Variants in ASTN2 observed in about 807,000 individuals in gnomAD.
The protein encoded by ASTN2 is astrotactin 2, also known as astrotactin-2.
A neutral mutation model predicts 139.8 loss-of-function variants in ASTN2; 54 were observed. That is an observed-to-expected ratio of 0.39 (90% confidence interval 0.31 to 0.48). The LOEUF (loss-of-function observed/expected upper bound fraction) is 0.48. Among genes scored for constraint, ASTN2 ranks in the 20% least tolerant of loss-of-function variants. The probability of loss-of-function intolerance (pLI) is 0.95; values close to 1 mark genes in which losing one functional copy is unlikely to be tolerated. For missense variants in ASTN2, 1,565 were observed against 1,725.1 expected, an observed-to-expected ratio of 0.91 and a Z score of 1.64; for synonymous variants, 756 against 719.5, an observed-to-expected ratio of 1.05 and a Z score of -0.81.
chr9:117,237,119 C>T (rs1367362251), intron 2 of ASTN2, among the ~76,000 whole-genome samples: 1 of 152,142 alleles, frequency 6.6e-6, no homozygotes, highest in Non-Finnish European at 1.5e-5. Flanking sequence ...TATTATTTTA[C>T]TTAATCCTTA....
At chr9:117,303,751 C>G (rs1448647882) in intron 1 of ASTN2, among the ~76,000 whole-genome samples, 1 of 152,220 alleles carries the variant, frequency 6.6e-6, no homozygotes, top group East Asian at 1.9e-4. Context: ...CTCTTTACAT[C>G]TAAACCAGTG....
chr9:116,919,599 C>T (rs1011499960), intron 10 of ASTN2, among the ~76,000 whole-genome samples: 3 of 150,680 alleles, frequency 2.0e-5, no homozygotes, highest in African/African-American at 7.4e-5. Flanking sequence ...CTGATGACCA[C>T]AGAACAATTC....
chr9:116,888,700 TA>T (rs56244330), intron 10 of ASTN2, among the ~76,000 whole-genome samples: 27,775 of 148,378 alleles, frequency 0.19, 3,697 homozygotes, highest in African/African-American at 0.36. Context: ...TTTTTGTAAT[TA>T]AAAAAAAAAA....
intron 13 of ASTN2, among the ~76,000 whole-genome samples, chr9:116,772,176 T>G (rs185429869): frequency 0.033 from 5,002 of 152,324 alleles, 283 homozygotes; most frequent in African/African-American, 0.11. Context: ...ATGGTTTGGC[T>G]GTGTCCCCAC....
intron 1 of ASTN2, among the ~76,000 whole-genome samples, chr9:117,327,145 A>G (rs1024165694): frequency 4.4e-4 from 67 of 152,226 alleles, no homozygotes; most frequent in African/African-American, 1.1e-3. Flanking sequence ...TGCATATCTA[A>G]TGCCATGGCT....
chr9:117,194,420 C>G (rs569057320), intron 3 of ASTN2, among the ~76,000 whole-genome samples: 2 of 152,280 alleles, frequency 1.3e-5, no homozygotes, highest in East Asian at 3.9e-4. Flanking sequence ...TTCAGTGGCT[C>G]CATCAGCATT....
At chr9:116,861,594 GT>G (rs2132337710) in intron 11 of ASTN2, among the ~76,000 whole-genome samples, 2 of 152,300 alleles carry the variant, frequency 1.3e-5, no homozygotes, top group East Asian at 3.9e-4. Context: ...CAGCACCCCA[GT>G]TTTTCTTGAG....
chr9:117,243,810 C>T (rs763236700), intron 2 of ASTN2, among the ~76,000 whole-genome samples: 1 of 152,174 alleles, frequency 6.6e-6, no homozygotes, highest in Non-Finnish European at 1.5e-5. Flanking sequence ...CAGACCCAGA[C>T]ACTGTCAGAT....
chr9:116,925,485 C>T (rs1245591248), intron 10 of ASTN2, among the ~76,000 whole-genome samples: 1 of 152,204 alleles, frequency 6.6e-6, no homozygotes, highest in Non-Finnish European at 1.5e-5. Flanking sequence ...AGTCAGGCTC[C>T]TTTTCCAGTG....
At chr9:116,634,413 A>T (rs898549853) in intron 17 of ASTN2, among the ~76,000 whole-genome samples, 2 of 151,484 alleles carry the variant, frequency 1.3e-5, no homozygotes, top group African/African-American at 4.9e-5. Flanking sequence ...ACACGGTGAA[A>T]CCCCGTCTCT....
At chr9:117,045,971 TGTATGTATGTAC>T (rs1315423621) in intron 5 of ASTN2, among the ~76,000 whole-genome samples, 1 of 110,484 alleles carries the variant, frequency 9.1e-6, no homozygotes, top group Middle Eastern at 5.7e-3. Flanking sequence ...TATGTATGTA[TGTATGTATGTAC>T]GTACGTACGT....
intron 13 of ASTN2, among the ~76,000 whole-genome samples, chr9:116,789,263 G>A (rs542567615): frequency 6.6e-6 from 1 of 152,284 alleles, no homozygotes; most frequent in South Asian, 2.1e-4. Context: ...ACTCAGTAAA[G>A]AATGAAGAGG....
chr9:116,812,347 CAT>C (rs1321580844), intron 12 of ASTN2, among the ~76,000 whole-genome samples: 2 of 152,122 alleles, frequency 1.3e-5, no homozygotes, highest in Non-Finnish European at 2.9e-5. Flanking sequence ...AATGTCATCA[CAT>C]GTTTCCCATA....
At chr9:117,190,752 G>A (rs139097523) in intron 3 of ASTN2, among the ~76,000 whole-genome samples, 258 of 152,082 alleles carry the variant, frequency 1.7e-3, no homozygotes, top group African/African-American at 5.8e-3. Context: ...GTTTTCATGT[G>A]TTATCTGATC....
chr9:116,607,150 A>G (rs1376036048), intron 19 of ASTN2, among the ~76,000 whole-genome samples: 1 of 152,198 alleles, frequency 6.6e-6, no homozygotes, highest in Non-Finnish European at 1.5e-5. Context: ...TTGTAAGACT[A>G]CAGAAGACCC....
Position 116,642,137 on chromosome 9 carries a change from AAAAAAAAAC to A in ASTN2, c.3072+9382_3072+9390del, listed in dbSNP as rs1857365875. On this transcript the variant is annotated intron_variant, in intron 17 of 22. Coordinates refer to ENST00000313400, the MANE Select transcript of ASTN2 (RefSeq NM_001365068.1). ...AAATGAAGGCTCCCAACCCACAAAA[AAAAAAAAAC>A]AAAAAAAAACAGAATCAGTAGGAAG... Among the ~76,000 whole-genome samples, 3 of 145,044 alleles carry A rather than the reference AAAAAAAAAC, an allele frequency of 2.1e-5. 1 individual carries two copies. Among genetic ancestry groups the A allele is most frequent in the South Asian group, 2.2e-4 (1 of 4,558 alleles).
chr9:116,910,942 G>A lies in ASTN2; in HGVS notation c.1890-47209C>T, dbSNP rs547810530. 4.6e-5 allele frequency among the ~76,000 whole-genome samples: 7 copies of A among 152,226 alleles called. No individual in the cohort carries two copies. In the East Asian group the frequency reaches 5.8e-4, roughly 13 times the overall value. ...AGACCAGTCTGAGCAGCTCAAAGAC[G>A]GCTTGAGCACTTTATAAAGCAGCAT... is the stretch of plus-strand genomic sequence containing the variant. On this transcript the variant is annotated intron_variant, in intron 10 of 22. Coordinates refer to ENST00000313400, the MANE Select transcript of ASTN2 (RefSeq NM_001365068.1).
At chr9:117,365,309 A>C in intron 1 of ASTN2, among the ~76,000 whole-genome samples, 1 of 147,156 alleles carries the variant, frequency 6.8e-6, no homozygotes, top group Non-Finnish European at 1.5e-5. Context: ...AAAAGAAAGA[A>C]AGAAAAAGAA....
intron 7 of ASTN2, among the ~76,000 whole-genome samples, chr9:117,000,158 A>G (rs1322565888): frequency 6.6e-6 from 1 of 152,234 alleles, no homozygotes; most frequent in Non-Finnish European, 1.5e-5. Context: ...CCACTGCACC[A>G]GTGCATTTTA....
Sources: gnomAD v4.1 joint callset for allele counts (sites outside exome capture counted in the v4.1 genomes callset) on GRCh38, gnomAD v4.1.1 for gene constraint, MANE v1.5 for transcripts, NCBI Gene and HGNC (gene_info 2026-07-23, HGNC 2026-07-21) for gene names.